The following SBF2 variants were observed in gnomAD, a reference collection of about 807,000 sequenced individuals.
SBF2 encodes SET binding factor 2.
A neutral mutation model predicts 225.2 loss-of-function variants in SBF2; 112 were observed. That is an observed-to-expected ratio of 0.50 (90% confidence interval 0.43 to 0.58). The LOEUF is 0.58. Among genes scored for constraint, SBF2 ranks in the 20% least tolerant of loss-of-function variants. SBF2 has a pLI of 0.00. For synonymous variants in SBF2, 763 were observed against 773.3 expected, an observed-to-expected ratio of 0.99 and a Z score of 0.22; for missense variants, 1,996 against 2,206.2, an observed-to-expected ratio of 0.90 and a Z score of 1.91.
At chr11:9,876,928 AG>A (rs1330911654) in intron 17 of SBF2, among the ~76,000 whole-genome samples, 2 of 152,136 alleles carry the variant, frequency 1.3e-5, no homozygotes, top group African/African-American at 4.8e-5. Context: ...TAGTAAAGAC[AG>A]GGTTTCACCA....
intron 17 of SBF2, among the ~76,000 whole-genome samples, chr11:9,894,279 G>A (rs1345120797): frequency 1.3e-5 from 2 of 152,176 alleles, no homozygotes; most frequent in Admixed American, 6.5e-5. Context: ...AGCACTTTGG[G>A]AGGCCAAGGC....
At chr11:9,930,051 C>G (rs955629717) in intron 16 of SBF2, among the ~76,000 whole-genome samples, 2 of 151,896 alleles carry the variant, frequency 1.3e-5, no homozygotes, top group Non-Finnish European at 2.9e-5. Flanking sequence ...GGCTTAATAC[C>G]TAGGTGATGG....
intron 1 of SBF2, among the ~76,000 whole-genome samples, chr11:10,286,166 G>GCGCACACACACACA (rs373771420): frequency 3.0e-4 from 44 of 147,358 alleles, no homozygotes; most frequent in African/African-American, 1.1e-3. Flanking sequence ...ACACGCACAC[G>GCGCACACACACACA]CACACACACA....
intron 2 of SBF2, among the ~76,000 whole-genome samples, chr11:10,083,006 T>C (rs1341170710): frequency 2.6e-5 from 4 of 152,168 alleles, no homozygotes; most frequent in Non-Finnish European, 5.9e-5. Context: ...AAGACTCCTG[T>C]ATTTGATAAA....
At chr11:10,183,537 T>C (rs1956817230) in intron 2 of SBF2, among the ~76,000 whole-genome samples, 1 of 151,632 alleles carries the variant, frequency 6.6e-6, no homozygotes, top group East Asian at 1.9e-4. Context: ...TTAAAAACTT[T>C]ATAGTGTTAG....
intron 2 of SBF2, among the ~76,000 whole-genome samples, chr11:10,093,020 TC>T (rs1951846352): frequency 7.1e-6 from 1 of 141,688 alleles, no homozygotes; most frequent in African/African-American, 2.5e-5. Flanking sequence ...TTTCCTTCTT[TC>T]TTTTTTTTTT....
intron 16 of SBF2, among the ~76,000 whole-genome samples, chr11:9,949,141 C>A (rs1479478900): frequency 6.6e-6 from 1 of 152,052 alleles, no homozygotes; most frequent in Non-Finnish European, 1.5e-5. Flanking sequence ...AGGTAGAAAG[C>A]ACAATTTCTA....
In SBF2 at chr11:9,858,416, A is replaced by G; in HGVS notation, c.1930-20T>C. ...AAGTTTCTGTGAGAACACACAAAATACATCATCATGGGGCTGGCAGAATTA... is the reference window on the plus strand; with the variant it reads ...AAGTTTCTGTGAGAACACACAAAATGCATCATCATGGGGCTGGCAGAATTA... On this transcript the variant is annotated intron_variant, in intron 17 of 39. Transcript: ENST00000256190. The G allele has an allele frequency of 6.2e-7, 1 of 1,613,762 alleles. No homozygotes were observed. Among genetic ancestry groups the G allele is most frequent in the Non-Finnish European group, 8.5e-7 (1 of 1,179,646 alleles).
At chr11:10,264,746 C>T (rs757069873) in intron 1 of SBF2, among the ~76,000 whole-genome samples, 1 of 151,652 alleles carries the variant, frequency 6.6e-6, no homozygotes, top group African/African-American at 2.4e-5. Flanking sequence ...CCCCCCACCC[C>T]CCGACAGGCC....
At chr11:9,862,080 A>G (rs1590250319) in intron 17 of SBF2, among the ~76,000 whole-genome samples, 1 of 152,240 alleles carries the variant, frequency 6.6e-6, no homozygotes, top group East Asian at 1.9e-4. Flanking sequence ...TGATAGTGGC[A>G]GTAGTCTTAG....
At chr11:9,870,043 A>G (rs941655632) in intron 17 of SBF2, among the ~76,000 whole-genome samples, 1 of 152,214 alleles carries the variant, frequency 6.6e-6, no homozygotes, top group Non-Finnish European at 1.5e-5. Flanking sequence ...AATCAGTAGC[A>G]TTCCTATATA....
chr11:10,154,566 A>G, intron 2 of SBF2, among the ~76,000 whole-genome samples: 1 of 152,142 alleles, frequency 6.6e-6, no homozygotes, highest in East Asian at 1.9e-4. Context: ...TATTAAGCAC[A>G]GCCATGTATG....
chr11:9,959,774 C>T, intron 16 of SBF2: 1 of 638,610 alleles, frequency 1.6e-6, no homozygotes. Flanking sequence ...TGGGAGCTTG[C>T]TGAGATGGTC....
chr11:10,061,074 T>C (rs1480118505), intron 2 of SBF2, among the ~76,000 whole-genome samples: 1 of 151,964 alleles, frequency 6.6e-6, no homozygotes, highest in Non-Finnish European at 1.5e-5. Flanking sequence ...ATGTGATTCA[T>C]AATATAAACA....
intron 16 of SBF2, among the ~76,000 whole-genome samples, chr11:9,941,290 C>T (rs2134293673): frequency 6.6e-6 from 1 of 152,176 alleles, no homozygotes; most frequent in Non-Finnish European, 1.5e-5. Flanking sequence ...CGTGCCAGCC[C>T]CAGCCTGGGC....
chr11:9,829,248 C>T (rs1481350088), intron 28 of SBF2, 108 bp downstream of exon 28: 2 of 1,297,448 alleles, frequency 1.5e-6, no homozygotes, highest in Non-Finnish European at 2.2e-6. Context: ...TTTAAGAAGT[C>T]TTGGTGAAGG....
intron 17 of SBF2, among the ~76,000 whole-genome samples, chr11:9,892,962 C>T (rs946178858): frequency 6.6e-6 from 1 of 152,072 alleles, no homozygotes; most frequent in Non-Finnish European, 1.5e-5. Context: ...AATATAAGTT[C>T]CTAGGGACCA....
intron 6 of SBF2, among the ~76,000 whole-genome samples, chr11:10,019,200 C>T (rs1259377739): frequency 6.6e-6 from 1 of 152,150 alleles, no homozygotes; most frequent in Non-Finnish European, 1.5e-5. Flanking sequence ...CTTCTACCAT[C>T]ATATAAGCAG....
intron 1 of SBF2, among the ~76,000 whole-genome samples, chr11:10,265,874 T>C (rs765770592): frequency 1.7e-3 from 202 of 118,680 alleles, no homozygotes; most frequent in African/African-American, 4.4e-3. Flanking sequence ...TGTGTGTGTG[T>C]GCGCGCGCGC....
Sources: allele counts gnomAD v4.1 joint callset (sites outside exome capture counted in the v4.1 genomes callset), GRCh38; gene constraint gnomAD v4.1.1; transcripts MANE v1.5; gene names NCBI Gene and HGNC (gene_info 2026-07-23, HGNC 2026-07-21).